The following FAM135A variants were observed in gnomAD, a reference collection of about 807,000 sequenced individuals.
FAM135A encodes the protein protein FAM135A.
In FAM135A, 79 loss-of-function variants were observed where a neutral mutation model predicts 146.8. The ratio of observed to expected loss-of-function variants is 0.54; its 90% CI spans 0.45 to 0.65. The LOEUF (loss-of-function observed/expected upper bound fraction) is 0.65. FAM135A is among the 30% of genes least tolerant of loss of function. The pLI, the probability that FAM135A is intolerant of heterozygous loss-of-function variation, is 0.00. For missense variants in FAM135A, 1,623 were observed against 1,758.2 expected, an observed-to-expected ratio of 0.92 and a Z score of 1.38; for synonymous variants, 562 against 603.6, an observed-to-expected ratio of 0.93 and a Z score of 1.01.
chr6:70,515,844 G>A (rs1792067436), intron 12 of FAM135A, among the ~76,000 whole-genome samples: 1 of 152,082 alleles, frequency 6.6e-6, no homozygotes, highest in Non-Finnish European at 1.5e-5. Context: ...AGCTGGATGT[G>A]TAGGGGTGGG....
At chr6:70,536,802 A>G (rs1582827672) in intron 19 of FAM135A, among the ~76,000 whole-genome samples, 1 of 152,254 alleles carries the variant, frequency 6.6e-6, no homozygotes, top group East Asian at 1.9e-4. Flanking sequence ...TTTTGGTTCA[A>G]AAAGAGTAAA....
At chr6:70,414,035 C>T in intron 1 of FAM135A, 1 of 985,778 alleles carries the variant, frequency 1.0e-6, no homozygotes, top group Non-Finnish European at 1.2e-6. Context: ...ACCCCTGCTC[C>T]ATCTTCGTCG....
At position 70,525,299 on chromosome 6, in the gene FAM135A, C is replaced by T. The variant is rs1794475880; in HGVS notation, c.2215C>T (p.Pro739Ser). The T allele has an allele frequency of 6.2e-7, 1 of 1,608,216 alleles. No homozygotes were observed. The highest frequency in any genetic ancestry group is 8.5e-7 in the Non-Finnish European group (1 of 1,177,534). Reference protein sequence around the residue: ...LTKLRSNLPAPSTKEYHVVVS... With the variant: ...LTKLRSNLPASSTKEYHVVVS... ...TAAATTACGAAGTAATCTACCTGCC[C>T]CTTCTACAAAAGAATATCATGTTGT... Residue 739 changes from proline to serine, a missense_variant, in exon 15 of 22, where the codon CCT becomes TCT. Pro to Ser is a moderately conservative substitution (Grantham distance 74). Transcript: ENST00000418814.
chr6:70,418,347 T>C (rs1768000671), intron 2 of FAM135A: 1 of 152,288 alleles, frequency 6.6e-6, no homozygotes, highest in African/African-American at 2.4e-5. Flanking sequence ...TATTTATTTA[T>C]TGAGCCAGAG....
At chr6:70,536,934 A>ATTTT (rs780326510) in intron 19 of FAM135A, among the ~76,000 whole-genome samples, 54 of 128,924 alleles carry the variant, frequency 4.2e-4, no homozygotes, top group African/African-American at 1.5e-3. Context: ...TGGTACTTTG[A>ATTTT]TTTTTTTTTT....
At chr6:70,543,976 G>C (rs1342724873) in intron 20 of FAM135A, among the ~76,000 whole-genome samples, 1 of 152,058 alleles carries the variant, frequency 6.6e-6, no homozygotes, top group Non-Finnish European at 1.5e-5. Context: ...ACACTGACTA[G>C]GCTACCTAAT....
intron 5 of FAM135A, among the ~76,000 whole-genome samples, chr6:70,469,686 T>A (rs1250747875): frequency 1.3e-5 from 2 of 152,072 alleles, no homozygotes; most frequent in African/African-American, 4.8e-5. Flanking sequence ...ACCACTGCAC[T>A]ATGCTGCTTC....
intron 4 of FAM135A, among the ~76,000 whole-genome samples, chr6:70,445,074 T>G (rs1390241033): frequency 6.6e-6 from 1 of 152,222 alleles, no homozygotes; most frequent in Non-Finnish European, 1.5e-5. Context: ...TCATCTAATG[T>G]TAGGTGAGAT....
At chr6:70,542,103 G>A (rs1798029757) in intron 20 of FAM135A, among the ~76,000 whole-genome samples, 1 of 152,006 alleles carries the variant, frequency 6.6e-6, no homozygotes. Context: ...AGATTATATT[G>A]GCCATCTAAT....
chr6:70,532,173 G>C lies in FAM135A; in HGVS notation c.3776-987G>C, dbSNP rs372118718. The stretch of plus-strand genomic sequence containing the variant: ...TTACAGGCGTGAGCCACCGTGCCCG[G>C]CCTCAAACTGATTTCTTATCCTTCT... On this transcript the variant is annotated intron_variant, in intron 16 of 21. Transcript: ENST00000418814. Among the ~76,000 whole-genome samples the C allele has an allele frequency of 3.3e-4, 50 of 152,152 alleles. 1 individual carries two copies. In the South Asian group the frequency reaches 8.9e-3, roughly 27 times the overall value.
At chr6:70,434,178 A>G (rs945130225) in intron 4 of FAM135A, among the ~76,000 whole-genome samples, 2 of 152,224 alleles carry the variant, frequency 1.3e-5, no homozygotes, top group African/African-American at 4.8e-5. Context: ...TACATTTGTC[A>G]AGAGGACTCC....
chr6:70,538,383 A>G lies in FAM135A; in HGVS notation c.4210A>G (p.Lys1404Glu). 1 of 1,495,556 alleles carries G rather than the reference A, an allele frequency of 6.7e-7. No individual in the cohort carries two copies. The highest frequency in any genetic ancestry group is 9.0e-7 in the Non-Finnish European group (1 of 1,114,156). The allele number at this position is 1,495,556 out of a possible 1,614,324, so 92.6% of individuals were successfully genotyped here. Residue 1404 changes from lysine to glutamate, a missense_variant, in exon 20 of 22, where the codon AAG becomes GAG. Physicochemically the swap from Lys to Glu is moderately conservative, Grantham distance 56. Coordinates refer to ENST00000418814, the MANE Select transcript of FAM135A (RefSeq NM_001162529.3). Reference protein sequence around the residue: ...HSDPRQTFLYKLSNKAGLHYF... With the variant: ...HSDPRQTFLYELSNKAGLHYF... ...AGACCCTCGCCAAACTTTTTTATAT[A>G]AGCTTAGTAACAAAGCAGGTAAGTA...
chr6:70,512,240 C>T (rs1791156539), intron 12 of FAM135A, among the ~76,000 whole-genome samples: 1 of 151,758 alleles, frequency 6.6e-6, no homozygotes, highest in African/African-American at 2.4e-5. Flanking sequence ...ATTTCTTTAT[C>T]GTTGAGTAGT....
chr6:70,506,738 CTT>C (rs1336904814), intron 12 of FAM135A, among the ~76,000 whole-genome samples: 2 of 133,056 alleles, frequency 1.5e-5, no homozygotes, highest in African/African-American at 2.8e-5. Flanking sequence ...TTTGTTTTTT[CTT>C]TTTTTTTTTT....
At position 70,439,654 on chromosome 6, in the gene FAM135A, A is replaced by G. The variant is rs572604257; in HGVS notation, c.77+11235A>G. ...CATAATTTCATATTTTGTATTTTCT[A>G]TGTCCGCTCTTCATTTGCTCTCCTA... On this transcript the variant is annotated intron_variant, in intron 4 of 21. Transcript: ENST00000418814. Among the ~76,000 whole-genome samples, 5 of 152,170 alleles carry G rather than the reference A, an allele frequency of 3.3e-5. No homozygotes were observed. The East Asian group carries it at 9.7e-4, about 29-fold the overall frequency.
intron 5 of FAM135A, among the ~76,000 whole-genome samples, chr6:70,452,861 C>T (rs1043629332): frequency 1.1e-4 from 16 of 152,018 alleles, no homozygotes; most frequent in African/African-American, 2.4e-4. Context: ...TAAAAAGATA[C>T]GCAGTAAATG....
At chr6:70,510,882 C>G (rs1790838768) in intron 12 of FAM135A, among the ~76,000 whole-genome samples, 2 of 152,074 alleles carry the variant, frequency 1.3e-5, no homozygotes, top group South Asian at 4.1e-4. Context: ...TACATTCCCA[C>G]CAGCAATGTA....
intron 5 of FAM135A, among the ~76,000 whole-genome samples, chr6:70,460,792 T>G (rs199818838): frequency 9.4e-5 from 11 of 117,228 alleles, no homozygotes; most frequent in South Asian, 5.8e-4. Context: ...TCTATCGATC[T>G]ATCTATCTAT....
In FAM135A at chr6:70,526,289, A is replaced by T; in HGVS notation, c.3205A>T (p.Thr1069Ser). The change falls in exon 15 of 22, where the codon ACT (threonine) becomes TCT (serine). Residue 1069 changes from threonine (T) to serine (S), a missense_variant. Thr to Ser is a moderately conservative substitution (Grantham distance 58, BLOSUM62 1). Around this residue, in one of 7 missense-constraint regions of FAM135A, gnomAD observed 1,061 missense variants for 1,113.8 expected, o/e 0.95. Coordinates refer to ENST00000418814, the MANE Select transcript of FAM135A (RefSeq NM_001162529.3). ...CAATGCACTTAGCCCTCAGAAGGAA[A>T]CTTCTGAAAAAGAAATTAGTAATCT... is the stretch of plus-strand genomic sequence containing the variant. ...YSNALSPQKE[T>S]SEKEISNLQQ... 6.2e-7 allele frequency: 1 copy of T among 1,613,414 alleles called. No homozygotes were observed. The highest frequency in any genetic ancestry group is 8.5e-7 in the Non-Finnish European group (1 of 1,179,624).
Sources: gnomAD v4.1 joint callset for allele counts (sites outside exome capture counted in the v4.1 genomes callset) on GRCh38, gnomAD v4.1.1 for gene constraint, gnomAD v4.1.1 regional missense constraint, MANE v1.5 for transcripts, NCBI Gene and HGNC (gene_info 2026-07-23, HGNC 2026-07-21) for gene names.